The following NMNAT1 variants were observed in gnomAD, a reference collection of about 807,000 sequenced individuals.
NMNAT1 encodes the protein nicotinamide nucleotide adenylyltransferase 1, also known as nicotinamide/nicotinic acid mononucleotide adenylyltransferase 1.
In NMNAT1, 11 loss-of-function variants were observed where a neutral mutation model predicts 16.7. The observed-to-expected ratio is 0.66, with a 90% CI of 0.41 to 1.09. The LOEUF is 1.09. NMNAT1 is among the 50% of genes least tolerant of loss of function. The pLI is 0.00. For missense variants in NMNAT1, 280 were observed against 332.3 expected, an observed-to-expected ratio of 0.84 and a Z score of 1.22; for synonymous variants, 110 against 119.8, an observed-to-expected ratio of 0.92 and a Z score of 0.53.
At chr1:9,992,012 C>G in the NMNAT1 span, among the ~76,000 whole-genome samples, 2 of 152,134 alleles carry the variant, frequency 1.3e-5, no homozygotes, top group African/African-American at 2.4e-5. Flanking sequence ...TTGAGCCACC[C>G]CACTCCAGCC....
At chr1:9,978,100 T>A (rs953134580) in intron 3 of NMNAT1, among the ~76,000 whole-genome samples, 1 of 152,156 alleles carries the variant, frequency 6.6e-6, no homozygotes, top group Non-Finnish European at 1.5e-5. Context: ...CTCACACCTG[T>A]AATCCCAGCA....
chr1:9,981,413 T>G (rs1328227396), intron 4 of NMNAT1: 5 of 414,318 alleles, frequency 1.2e-5, no homozygotes, highest in Non-Finnish European at 2.1e-5. Flanking sequence ...TTGTTTGTAT[T>G]TTTAGTAGAG....
At chr1:9,945,254 CAAA>C (rs1640950791) in intron 1 of NMNAT1, among the ~76,000 whole-genome samples, 1 of 151,730 alleles carries the variant, frequency 6.6e-6, no homozygotes, top group South Asian at 2.1e-4. Flanking sequence ...CAAAACAAAA[CAAA>C]AGAAGAAAAA....
chr1:9,961,701 G>A (rs536743781), intron 1 of NMNAT1, among the ~76,000 whole-genome samples: 13 of 152,204 alleles, frequency 8.5e-5, no homozygotes, highest in South Asian at 2.1e-4. Flanking sequence ...AACCTTCTCC[G>A]TTATTCCCTA....
At chr1:9,970,749 T>C (rs994646438) in intron 1 of NMNAT1, among the ~76,000 whole-genome samples, 2 of 151,902 alleles carry the variant, frequency 1.3e-5, no homozygotes, top group African/African-American at 4.8e-5. Flanking sequence ...TGTTACTTCA[T>C]TAGGGTTATG....
chr1:9,982,245 G>A, intron 4 of NMNAT1, 56 bp from the exon 5 acceptor site: 18 of 1,530,178 alleles, frequency 1.2e-5, no homozygotes, highest in Non-Finnish European at 1.6e-5. Flanking sequence ...TTTCCACTTG[G>A]AGGAGGTAGA....
At chr1:9,992,684 G>A in the NMNAT1 span, among the ~76,000 whole-genome samples, 3 of 152,016 alleles carry the variant, frequency 2.0e-5, no homozygotes. Flanking sequence ...GGCCGAGGTG[G>A]GTGGATCACA....
intron 1 of NMNAT1, among the ~76,000 whole-genome samples, chr1:9,969,043 AG>A (rs1249399604): frequency 6.6e-6 from 1 of 151,988 alleles, no homozygotes; most frequent in African/African-American, 2.4e-5. Context: ...ATTTGAAGCC[AG>A]GCAGCCTAAT....
downstream of NMNAT1, among the ~76,000 whole-genome samples, chr1:9,990,495 C>T (rs1330279624): frequency 6.6e-6 from 1 of 152,216 alleles, no homozygotes; most frequent in Non-Finnish European, 1.5e-5. Context: ...TTTAAACCTG[C>T]TTCTCCCTAA....
chr1:9,993,974 CG>C, the NMNAT1 span, among the ~76,000 whole-genome samples: 1 of 151,936 alleles, frequency 6.6e-6, no homozygotes, highest in Non-Finnish European at 1.5e-5. Context: ...TATATGACCT[CG>C]GGCAAGTTAG....
At chr1:9,967,227 G>A (rs1305456473) in intron 1 of NMNAT1, among the ~76,000 whole-genome samples, 6 of 151,410 alleles carry the variant, frequency 4.0e-5, no homozygotes, top group South Asian at 2.1e-4. Flanking sequence ...AAGTCCCCCC[G>A]GCTCCCCGCA....
intron 3 of NMNAT1, among the ~76,000 whole-genome samples, chr1:9,976,610 A>G (rs1641819434): frequency 6.6e-6 from 1 of 151,214 alleles, no homozygotes; most frequent in Non-Finnish European, 1.5e-5. Context: ...AGTAAGTGAC[A>G]TCTAATTATT....
chr1:9,987,510 GGT>G (rs1204945841), downstream of NMNAT1, among the ~76,000 whole-genome samples: 1 of 151,706 alleles, frequency 6.6e-6, no homozygotes, highest in Non-Finnish European at 1.5e-5. Context: ...GTAGGTGGCG[GGT>G]GCCTATAGTC....
At chr1:9,961,659 AT>A (rs982862832) in intron 1 of NMNAT1, among the ~76,000 whole-genome samples, 8 of 152,014 alleles carry the variant, frequency 5.3e-5, no homozygotes, top group Non-Finnish European at 1.2e-4. Flanking sequence ...TGATGAACTC[AT>A]TTTTTTCTAA....
At chr1:9,981,664 C>G (rs1272361491) in intron 4 of NMNAT1, 1 of 155,170 alleles carries the variant, frequency 6.4e-6, no homozygotes, top group Admixed American at 6.4e-5. Context: ...AGCCACTATG[C>G]CTGGCCTTTA....
At chr1:9,990,661 C>A in the NMNAT1 span, among the ~76,000 whole-genome samples, 2 of 152,130 alleles carry the variant, frequency 1.3e-5, no homozygotes, top group African/African-American at 4.8e-5. Flanking sequence ...ACCACAAGGT[C>A]CATGCCAGTC....
At chr1:9,965,315 C>CAAA (rs1183019689) in intron 1 of NMNAT1, among the ~76,000 whole-genome samples, 2 of 51,416 alleles carry the variant, frequency 3.9e-5, no homozygotes, top group African/African-American at 6.8e-5. Context: ...GACTCCATCT[C>CAAA]AAAAAAAAAA....
intron 4 of NMNAT1, 49 bp downstream of exon 4, chr1:9,981,219 T>C (rs1453086725): frequency 1.3e-6 from 2 of 1,575,858 alleles, no homozygotes; most frequent in Non-Finnish European, 1.7e-6. Context: ...TAAGATTCTG[T>C]AGCTGAGCAA....
chr1:9,956,317 G>A (rs1385732906), intron 1 of NMNAT1, among the ~76,000 whole-genome samples: 2 of 151,406 alleles, frequency 1.3e-5, no homozygotes, highest in Non-Finnish European at 2.9e-5. Flanking sequence ...TTACAGGCAC[G>A]TGCCACCACA....
Sources: allele counts gnomAD v4.1 joint callset (sites outside exome capture counted in the v4.1 genomes callset), GRCh38; gene constraint gnomAD v4.1.1; transcripts MANE v1.5; gene names NCBI Gene and HGNC (gene_info 2026-07-23, HGNC 2026-07-21).